The following KCNMA1 variants were observed in gnomAD, a reference collection of about 807,000 sequenced individuals.
KCNMA1 encodes potassium calcium-activated channel subfamily M alpha 1, also known as Calcium-activated potassium channel subunit alpha-1.
KCNMA1 carries 29 observed loss-of-function variants against 140.0 expected under a neutral mutation model. That is an observed-to-expected ratio of 0.21 (90% confidence interval 0.15 to 0.28). The LOEUF (loss-of-function observed/expected upper bound fraction) is 0.28, where lower values mean the gene tolerates loss of function less well. Ranked by LOEUF, KCNMA1 falls within the 10% of genes least tolerant of loss-of-function variation. KCNMA1 has a pLI of 1.00. For missense variants in KCNMA1, 880 were observed against 1,602.2 expected (o/e 0.55, Z 7.70); for synonymous variants, 612 against 611.9 (o/e 1.00, Z 0.00).
At chr10:76,938,882 A>C (rs2061254792) in intron 23 of KCNMA1, among the ~76,000 whole-genome samples, 1 of 152,064 alleles carries the variant, frequency 6.6e-6, no homozygotes, top group African/African-American at 2.4e-5. Context: ...TCAAGCATGG[A>C]ATTAATTACT....
intron 2 of KCNMA1, among the ~76,000 whole-genome samples, chr10:77,382,888 AT>A (rs376134483): frequency 0.12 from 4,832 of 40,412 alleles, 470 homozygotes; most frequent in East Asian, 0.4. Context: ...AAAAAAAAAT[AT>A]ATATATATAT....
intron 1 of KCNMA1, among the ~76,000 whole-genome samples, chr10:77,576,855 G>C (rs2074299349): frequency 6.6e-6 from 1 of 152,164 alleles, no homozygotes; most frequent in East Asian, 1.9e-4. Context: ...CATTTAACGG[G>C]AGGAGGAAGG....
Position 76,887,202 on chromosome 10 carries a change from G to A in KCNMA1, c.*64C>T, listed in dbSNP as rs2037471974. On this transcript the variant is annotated 3_prime_UTR_variant, in exon 28 of 28. Coordinates refer to ENST00000286628, the MANE Select transcript of KCNMA1 (RefSeq NM_001161352.2). ...GGAAAACAGGGAAAGTTACTTTGTT[G>A]GAAACACCAACTGGGGAAATGAGTG... The A allele has an allele frequency of 2.5e-5, 41 of 1,613,274 alleles. 1 individual carries two copies. In the South Asian group the frequency reaches 4.3e-4, roughly 17 times the overall value.
At chr10:77,181,915 C>CATAT (rs148022380) in intron 5 of KCNMA1, among the ~76,000 whole-genome samples, 1 of 150,230 alleles carries the variant, frequency 6.7e-6, no homozygotes, top group Non-Finnish European at 1.5e-5. Context: ...TGGACACATA[C>CATAT]ATATATATAT....
At chr10:77,317,982 G>A (rs1002241974) in intron 2 of KCNMA1, among the ~76,000 whole-genome samples, 1 of 152,178 alleles carries the variant, frequency 6.6e-6, no homozygotes, top group African/African-American at 2.4e-5. Flanking sequence ...GGTGCCCCAA[G>A]TGAGGCAGTA....
intron 2 of KCNMA1, among the ~76,000 whole-genome samples, chr10:77,352,862 CAG>C (rs1316284577): frequency 6.6e-6 from 1 of 152,196 alleles, no homozygotes; most frequent in African/African-American, 2.4e-5. Flanking sequence ...AACAAAAGTA[CAG>C]ACACATTAGA....
At chr10:77,385,669 C>G (rs1236419702) in intron 2 of KCNMA1, among the ~76,000 whole-genome samples, 3 of 152,222 alleles carry the variant, frequency 2.0e-5, no homozygotes, top group Non-Finnish European at 4.4e-5. Flanking sequence ...TGCACTGCAT[C>G]TTAAAGATGA....
At position 77,025,257 on chromosome 10, in the gene KCNMA1, T is replaced by TATATATATATA. The variant is rs1355641471; in HGVS notation, c.1928+2555_1928+2565dup. Among the ~76,000 whole-genome samples, 2 of 90,822 alleles carry TATATATATATA rather than the reference T, an allele frequency of 2.2e-5. 1 individual carries two copies. The highest frequency in any genetic ancestry group is 4.4e-5 in the Non-Finnish European group (2 of 45,084). 59.6% of individuals were successfully genotyped at this position (90,822 alleles called of 152,430 possible). A position where few individuals can be genotyped will look rare whatever the true frequency, so the allele number is the denominator to read the frequency against. The stretch of plus-strand genomic sequence containing the variant: ...GGGTGTGTGTGTATATATATATATA[T>TATATATATATA]ATATATATATATATATATATATATA... On this transcript the variant is annotated intron_variant, in intron 16 of 27. Transcript: ENST00000286628.
intron 2 of KCNMA1, among the ~76,000 whole-genome samples, chr10:77,295,713 G>A (rs1452218154): frequency 2.8e-5 from 4 of 144,232 alleles, no homozygotes; most frequent in Admixed American, 7.0e-5. Flanking sequence ...CCCGGGAGGC[G>A]GAGCTTGCAG....
intron 2 of KCNMA1, among the ~76,000 whole-genome samples, chr10:77,401,619 T>C (rs1484093318): frequency 6.6e-6 from 1 of 152,264 alleles, no homozygotes; most frequent in Non-Finnish European, 1.5e-5. Context: ...CTCAAGATCC[T>C]AACTCACACT....
Position 77,195,884 on chromosome 10 carries a change from G to A in KCNMA1, c.603-10968C>T, listed in dbSNP as rs150079756. The stretch of plus-strand genomic sequence containing the variant: ...GAATGGTTTGAACTCGGGTGGTAGA[G>A]GTTGCAGTGAGCCAAGATCATACCA... On this transcript the variant is annotated intron_variant, in intron 3 of 27. Coordinates refer to ENST00000286628, the MANE Select transcript of KCNMA1 (RefSeq NM_001161352.2). Among the ~76,000 whole-genome samples the A allele has an allele frequency of 5.9e-3, 893 of 152,216 alleles. 6 individuals carry two copies. The highest frequency in any genetic ancestry group is 0.02 in the African/African-American group (835 of 41,548).
At chr10:77,478,105 T>C (rs2098314555) in intron 1 of KCNMA1, among the ~76,000 whole-genome samples, 2 of 152,224 alleles carry the variant, frequency 1.3e-5, no homozygotes, top group Non-Finnish European at 2.9e-5. Context: ...ATTCTCTGAG[T>C]TTATTATGAG....
chr10:77,231,110 T>G (rs184264045), intron 3 of KCNMA1, among the ~76,000 whole-genome samples: 1 of 152,184 alleles, frequency 6.6e-6, no homozygotes, highest in Admixed American at 6.5e-5. Flanking sequence ...TTTGCTAACA[T>G]TATCAAAATC....
intron 5 of KCNMA1, among the ~76,000 whole-genome samples, chr10:77,150,817 T>C (rs1264503874): frequency 6.6e-6 from 1 of 152,168 alleles, no homozygotes; most frequent in Non-Finnish European, 1.5e-5. Context: ...GTTTCAGGAG[T>C]ATTCCAACAC....
Position 77,637,609 on chromosome 10 carries a change from TGCTGCCGCCGCC to T in KCNMA1, c.22_33del (p.Gly8_Ser11del), listed in dbSNP as rs1568037296. On this transcript the variant is annotated inframe_deletion, in exon 1 of 28. Transcript: ENST00000286628. The stretch of plus-strand genomic sequence containing the variant: ...CCTCCGCCGCCGCCGCCGCCGCCGC[TGCTGCCGCCGCC>T]GCCGCCGCCACCATTTGCCATAGCT... The T allele has an allele frequency of 6.6e-7, 1 of 1,521,258 alleles. No homozygotes were observed. Among genetic ancestry groups the T allele is most frequent in the South Asian group, 1.2e-5 (1 of 82,540 alleles). 94.2% of individuals were successfully genotyped at this position (1,521,258 alleles called of 1,614,324 possible). A position where few individuals can be genotyped will look rare whatever the true frequency, so the allele number is the denominator to read the frequency against.
intron 3 of KCNMA1, among the ~76,000 whole-genome samples, chr10:77,234,384 T>C (rs1443272117): frequency 6.6e-6 from 1 of 152,228 alleles, no homozygotes; most frequent in Non-Finnish European, 1.5e-5. Context: ...TCTTATTTAC[T>C]TGTCAACTTG....
At chr10:77,378,831 C>T (rs2154426476) in intron 2 of KCNMA1, among the ~76,000 whole-genome samples, 1 of 152,278 alleles carries the variant, frequency 6.6e-6, no homozygotes, top group South Asian at 2.1e-4. Flanking sequence ...TTTATAATCA[C>T]ATGGCAGGAA....
intron 2 of KCNMA1, among the ~76,000 whole-genome samples, chr10:77,321,371 G>T (rs1204144718): frequency 6.6e-6 from 1 of 152,182 alleles, no homozygotes; most frequent in East Asian, 1.9e-4. Flanking sequence ...ATCAGATTAG[G>T]TAACTCTGCT....
chr10:77,580,166 G>C (rs2075432652), intron 1 of KCNMA1, among the ~76,000 whole-genome samples: 1 of 152,106 alleles, frequency 6.6e-6, no homozygotes, highest in African/African-American at 2.4e-5. Flanking sequence ...CAGATCACGA[G>C]GTCTGGAGAT....
Sources: gnomAD v4.1 joint callset for allele counts (sites outside exome capture counted in the v4.1 genomes callset) on GRCh38, gnomAD v4.1.1 for gene constraint, MANE v1.5 for transcripts, NCBI Gene and HGNC (gene_info 2026-07-23, HGNC 2026-07-21) for gene names.